The following EYA2 variants were observed in gnomAD, a reference collection of about 807,000 sequenced individuals.
EYA2 encodes the protein EYA transcriptional coactivator and phosphatase 2.
A neutral mutation model predicts 69.2 loss-of-function variants in EYA2; 31 were observed. The ratio of observed to expected loss-of-function variants is 0.45; its 90% CI spans 0.34 to 0.60. The LOEUF (loss-of-function observed/expected upper bound fraction) is 0.60, where lower values mean the gene tolerates loss of function less well. Ranked by LOEUF, EYA2 falls within the 20% of genes least tolerant of loss-of-function variation. The pLI is 0.02. For synonymous variants in EYA2, 257 were observed against 279.4 expected, an observed-to-expected ratio of 0.92 and a Z score of 0.80; for missense variants, 622 against 701.2, an observed-to-expected ratio of 0.89 and a Z score of 1.28.
intron 9 of EYA2, among the ~76,000 whole-genome samples, chr20:47,122,380 G>T (rs1433506483): frequency 7.3e-6 from 1 of 137,268 alleles, no homozygotes; most frequent in Non-Finnish European, 1.5e-5. Flanking sequence ...TGCAAGCTCT[G>T]CCTGCTGGGT....
chr20:46,968,541 C>T (rs913754681), intron 1 of EYA2, among the ~76,000 whole-genome samples: 2 of 152,186 alleles, frequency 1.3e-5, no homozygotes, highest in African/African-American at 4.8e-5. Flanking sequence ...TTGGAAAGCT[C>T]ATTCCCCTCC....
chr20:46,926,267 T>C (rs1216812558), intron 1 of EYA2, among the ~76,000 whole-genome samples: 2 of 152,154 alleles, frequency 1.3e-5, no homozygotes, highest in East Asian at 3.9e-4. Context: ...GGGGGGTTGA[T>C]TTATTATAAA....
intron 1 of EYA2, among the ~76,000 whole-genome samples, chr20:46,960,531 A>G (rs918517483): frequency 1.3e-5 from 2 of 152,166 alleles, no homozygotes; most frequent in East Asian, 1.9e-4. Flanking sequence ...GCAAGGTTCT[A>G]TGACTTGCCC....
chr20:47,115,191 G>A (rs1196942678), intron 9 of EYA2, among the ~76,000 whole-genome samples: 2 of 152,036 alleles, frequency 1.3e-5, no homozygotes, highest in Non-Finnish European at 1.5e-5. Flanking sequence ...TCTCCCACCT[G>A]CCAGAGGGAT....
chr20:47,096,720 T>C (rs2032256662), intron 8 of EYA2, among the ~76,000 whole-genome samples: 1 of 152,186 alleles, frequency 6.6e-6, no homozygotes, highest in Admixed American at 6.5e-5. Flanking sequence ...CAGAAATAGT[T>C]GAGCGTATGG....
chr20:47,066,070 T>C (rs2031096079), intron 5 of EYA2, among the ~76,000 whole-genome samples: 1 of 152,174 alleles, frequency 6.6e-6, no homozygotes, highest in South Asian at 2.1e-4. Context: ...CTGGGCATGG[T>C]GACTTACACC....
chr20:47,152,768 G>A (rs982003334), intron 10 of EYA2, among the ~76,000 whole-genome samples: 13 of 149,332 alleles, frequency 8.7e-5, no homozygotes, highest in Non-Finnish European at 1.5e-4. Context: ...CCGAGATCGC[G>A]CCACTGCACT....
At chr20:47,129,575 C>G (rs2033284228) in intron 9 of EYA2, among the ~76,000 whole-genome samples, 1 of 152,086 alleles carries the variant, frequency 6.6e-6, no homozygotes, top group African/African-American at 2.4e-5. Context: ...ACTCAGAGGG[C>G]CAGGGGAAGC....
intron 5 of EYA2, among the ~76,000 whole-genome samples, chr20:47,029,913 T>A (rs1330887549): frequency 2.0e-5 from 3 of 152,222 alleles, no homozygotes; most frequent in Admixed American, 6.5e-5. Flanking sequence ...TGGACTGATG[T>A]GTTGGAACAG....
At chr20:47,135,842 C>CAAAAAAAAAAAAAA (rs1266669397) in intron 9 of EYA2, among the ~76,000 whole-genome samples, 1 of 54,022 alleles carries the variant, frequency 1.9e-5, no homozygotes, top group Non-Finnish European at 2.9e-5. Flanking sequence ...AAAAAAAAAA[C>CAAAAAAAAAAAAAA]AAACAAACAA....
At chr20:47,140,337 G>A (rs372424965) in intron 9 of EYA2, among the ~76,000 whole-genome samples, 1 of 152,070 alleles carries the variant, frequency 6.6e-6, no homozygotes, top group African/African-American at 2.4e-5. Context: ...TTTGGCTCTC[G>A]GGGCCTTGAT....
At chr20:47,172,310 C>A (rs528950405) in intron 11 of EYA2, among the ~76,000 whole-genome samples, 1 of 151,798 alleles carries the variant, frequency 6.6e-6, no homozygotes, top group East Asian at 1.9e-4. Context: ...GTGGCGCACA[C>A]ACGAGGAGCC....
At chr20:47,046,271 C>T (rs2030034004) in intron 5 of EYA2, among the ~76,000 whole-genome samples, 1 of 152,216 alleles carries the variant, frequency 6.6e-6, no homozygotes, top group Non-Finnish European at 1.5e-5. Flanking sequence ...CCAAAGGTCT[C>T]ACCTCCAAAT....
At chr20:46,992,584 T>C (rs1981748888) in intron 2 of EYA2, among the ~76,000 whole-genome samples, 1 of 152,198 alleles carries the variant, frequency 6.6e-6, no homozygotes, top group South Asian at 2.1e-4. Flanking sequence ...TCTGCCAAGC[T>C]GTAAGAGTCT....
chr20:47,163,091 G>A (rs925982158), intron 10 of EYA2, among the ~76,000 whole-genome samples: 3 of 150,750 alleles, frequency 2.0e-5, no homozygotes, highest in Non-Finnish European at 2.9e-5. Flanking sequence ...GTGCAGTGGC[G>A]CCATCTCAGC....
chr20:47,180,099 C>T (rs2034510189), intron 13 of EYA2, among the ~76,000 whole-genome samples, 187 bp downstream of exon 13: 1 of 152,058 alleles, frequency 6.6e-6, no homozygotes, highest in African/African-American at 2.4e-5. Context: ...GTAGCGTGAT[C>T]TCGGCTCATC....
intron 5 of EYA2, among the ~76,000 whole-genome samples, chr20:47,023,544 T>C (rs1264229459): frequency 6.6e-6 from 1 of 152,158 alleles, no homozygotes; most frequent in Non-Finnish European, 1.5e-5. Flanking sequence ...AAATCTTTTC[T>C]TCTGTAGTAT....
At chr20:46,954,720 C>A (rs1979011100) in intron 1 of EYA2, among the ~76,000 whole-genome samples, 1 of 152,182 alleles carries the variant, frequency 6.6e-6, no homozygotes, top group African/African-American at 2.4e-5. Flanking sequence ...CACCGATAGC[C>A]ACCTCTCCTC....
At chr20:47,053,149 C>T (rs8125525) in intron 5 of EYA2, among the ~76,000 whole-genome samples, 31,869 of 151,776 alleles carry the variant, frequency 0.21, 3,732 homozygotes, top group South Asian at 0.32. Flanking sequence ...CCACTCCCAC[C>T]TCAAGGATCC....
Sources: gnomAD v4.1 joint callset for allele counts (sites outside exome capture counted in the v4.1 genomes callset) on GRCh38, gnomAD v4.1.1 for gene constraint, MANE v1.5 for transcripts, NCBI Gene and HGNC (gene_info 2026-07-23, HGNC 2026-07-21) for gene names.